Variants in SHANK2 observed in about 807,000 individuals in gnomAD.
SHANK2 encodes the protein SH3 and multiple ankyrin repeat domains 2.
Under a neutral mutation model 133.7 loss-of-function variants are expected in SHANK2, and 43 were observed. The ratio of observed to expected loss-of-function variants is 0.32; its 90% confidence interval spans 0.25 to 0.41. The LOEUF (loss-of-function observed/expected upper bound fraction) is 0.41. SHANK2 is among the 10% of genes least tolerant of loss of function. The pLI, the probability that SHANK2 is intolerant of heterozygous loss-of-function variation, is 1.00. For synonymous variants in SHANK2, 1,017 were observed against 952.8 expected, an observed-to-expected ratio of 1.07 and a Z score of -1.24; for missense variants, 1,994 against 2,235.8, an observed-to-expected ratio of 0.89 and a Z score of 2.18.
chr11:70,735,111 C>G lies in SHANK2; in HGVS notation c.1778-36348G>C, dbSNP rs140851808. On this transcript the variant is annotated intron_variant, in intron 14 of 25. Transcript: ENST00000601538. ...AGGTGGGCGAGGCCGTGGCCTCCCCCCAGGTGGGCAGGTTTTCGGGACTCT... is the reference window on the plus strand; with the variant it reads ...AGGTGGGCGAGGCCGTGGCCTCCCCGCAGGTGGGCAGGTTTTCGGGACTCT... Among the ~76,000 whole-genome samples the G allele has an allele frequency of 6.2e-3, 950 of 152,298 alleles. 3 individuals are homozygous for G. Among genetic ancestry groups the G allele is most frequent in the Non-Finnish European group, 9.3e-3 (635 of 68,004 alleles).
chr11:70,550,569 G>A (rs1565122094), intron 17 of SHANK2, among the ~76,000 whole-genome samples: 1 of 152,210 alleles, frequency 6.6e-6, no homozygotes, highest in Non-Finnish European at 1.5e-5. Flanking sequence ...CGAGGCCTCC[G>A]TTCAGGAGGA....
At chr11:70,547,177 T>C (rs1219004337) in intron 17 of SHANK2, among the ~76,000 whole-genome samples, 3 of 152,220 alleles carry the variant, frequency 2.0e-5, no homozygotes, top group African/African-American at 7.2e-5. Flanking sequence ...TATTAGGAAC[T>C]GAGTCCTATC....
At chr11:71,083,922 A>G (rs1317181010) in intron 8 of SHANK2, among the ~76,000 whole-genome samples, 1 of 151,608 alleles carries the variant, frequency 6.6e-6, no homozygotes, top group Non-Finnish European at 1.5e-5. Context: ...TGCATGGGTA[A>G]TTTTTTGGTA....
intron 17 of SHANK2, among the ~76,000 whole-genome samples, chr11:70,552,199 C>T (rs145353401): frequency 4.6e-5 from 7 of 152,270 alleles, no homozygotes; most frequent in South Asian, 4.1e-4. Context: ...AAGGGGCAAC[C>T]GGCATTTCCC....
At chr11:71,120,101 T>A (rs1952055784) in intron 3 of SHANK2, among the ~76,000 whole-genome samples, 1 of 152,092 alleles carries the variant, frequency 6.6e-6, no homozygotes, top group African/African-American at 2.4e-5. Flanking sequence ...TTAAATAGTG[T>A]CAACAGGGCC....
intron 11 of SHANK2, among the ~76,000 whole-genome samples, chr11:70,825,974 T>C (rs1006598730): frequency 1.3e-5 from 2 of 152,202 alleles, no homozygotes; most frequent in African/African-American, 4.8e-5. Context: ...GAGTGTGCAC[T>C]TTTAAAGTTG....
chr11:70,815,657 A>G (rs968512180), intron 12 of SHANK2, among the ~76,000 whole-genome samples: 1 of 151,972 alleles, frequency 6.6e-6, no homozygotes, highest in Non-Finnish European at 1.5e-5. Context: ...CAGGAAGCAG[A>G]CCCTGCCTAC....
chr11:70,534,298 C>A (rs566014324), intron 17 of SHANK2, among the ~76,000 whole-genome samples: 16 of 152,268 alleles, frequency 1.1e-4, no homozygotes, highest in African/African-American at 3.9e-4. Context: ...GGGGGAAAAG[C>A]CCCTTATAAA....
At position 70,487,419 on chromosome 11, in the gene SHANK2, G is replaced by C. The variant is rs1358584558; in HGVS notation, c.2874C>G (p.Arg958=). The change falls in exon 25 of 26, where the codon CGC becomes CGG. Residue 958 remains arginine, a synonymous_variant. Coordinates refer to ENST00000601538, the MANE Select transcript of SHANK2 (RefSeq NM_012309.5). The surrounding 1 kb of genome is among the most constrained non-coding windows in gnomAD (Gnocchi z 5.8). ...KGMYFRRELD[R]YSLDSEDLYS... Reference sequence around the variant, plus strand: ...AGAGGTCTTCAGAGTCCAAGGAGTAGCGGTCCAGCTCTCTCCTGAAGTACA... The same window carrying C: ...AGAGGTCTTCAGAGTCCAAGGAGTACCGGTCCAGCTCTCTCCTGAAGTACA... 1 of 1,614,158 alleles carries C rather than the reference G, an allele frequency of 6.2e-7. No individual in the cohort carries two copies. Among genetic ancestry groups the C allele is most frequent in the African/African-American group, 1.3e-5 (1 of 75,042 alleles).
chr11:70,478,368 G>A (rs886262850), intron 25 of SHANK2, among the ~76,000 whole-genome samples: 36 of 152,268 alleles, frequency 2.4e-4, no homozygotes, highest in African/African-American at 7.7e-4. Flanking sequence ...CCCATGAGCC[G>A]CCTGTCAAGG....
intron 2 of SHANK2, among the ~76,000 whole-genome samples, chr11:71,170,200 A>T (rs1555111893): frequency 6.6e-6 from 1 of 152,216 alleles, no homozygotes; most frequent in African/African-American, 2.4e-5. Context: ...CCATTTTCAT[A>T]GACATCCAAA....
intron 11 of SHANK2, among the ~76,000 whole-genome samples, chr11:70,891,983 G>A (rs942760336): frequency 3.3e-5 from 5 of 152,166 alleles, no homozygotes; most frequent in African/African-American, 1.2e-4. Context: ...CCCGGCTGAG[G>A]ACAGGGGTGG....
At chr11:71,089,033 T>C (rs1258127622) in intron 8 of SHANK2, among the ~76,000 whole-genome samples, 1 of 152,180 alleles carries the variant, frequency 6.6e-6, no homozygotes, top group East Asian at 1.9e-4. Context: ...GGGCCGCCCC[T>C]CGTCCTGAAC....
intron 8 of SHANK2, among the ~76,000 whole-genome samples, chr11:71,085,780 A>G (rs1188928367): frequency 6.7e-5 from 5 of 75,004 alleles, no homozygotes; most frequent in Non-Finnish European, 9.0e-5. Context: ...TTATATTTAT[A>G]TTATATAATA....
At chr11:70,942,190 A>G (rs917393586) in intron 10 of SHANK2, among the ~76,000 whole-genome samples, 1 of 152,168 alleles carries the variant, frequency 6.6e-6, no homozygotes, top group Non-Finnish European at 1.5e-5. Context: ...CTGTCTCGAA[A>G]AAAAAGGAAA....
intron 9 of SHANK2, among the ~76,000 whole-genome samples, chr11:71,059,871 A>G (rs1318182329): frequency 1.3e-5 from 2 of 151,980 alleles, no homozygotes; most frequent in Non-Finnish European, 2.9e-5. Flanking sequence ...TTGGGGGTGC[A>G]CTCTGCCTCA....
At position 70,832,576 on chromosome 11, in the gene SHANK2, G is replaced by C. The variant is rs182530698; in HGVS notation, c.1175-11894C>G. Among the ~76,000 whole-genome samples the C allele has an allele frequency of 5.9e-5, 9 of 152,330 alleles. No individual in the cohort carries two copies. The East Asian group carries it at 1.7e-3, about 29-fold the overall frequency. The stretch of plus-strand genomic sequence containing the variant: ...CTGGAGATGAATGAATGAATGAATG[G>C]AGTGAATTAACAGAGGGGGTGAGTC... On this transcript the variant is annotated intron_variant, in intron 11 of 25. Transcript: ENST00000601538.
chr11:70,946,243 G>T (rs112101523), intron 10 of SHANK2, among the ~76,000 whole-genome samples: 2 of 92,094 alleles, frequency 2.2e-5, no homozygotes, highest in Non-Finnish European at 4.4e-5. Context: ...CTCCCTCTCC[G>T]CTAACCAACC....
chr11:70,660,143 G>T (rs1262657249), intron 16 of SHANK2, among the ~76,000 whole-genome samples, 191 bp from the exon 17 acceptor site: 1 of 152,226 alleles, frequency 6.6e-6, no homozygotes, highest in African/African-American at 2.4e-5. Flanking sequence ...CTCAAGCAAT[G>T]AAGTCAATTG....
Sources: gnomAD v4.1 joint callset for allele counts (sites outside exome capture counted in the v4.1 genomes callset) on GRCh38, gnomAD v4.1.1 for gene constraint, Gnocchi (gnomAD v3.1) non-coding constraint, MANE v1.5 for transcripts, NCBI Gene and HGNC (gene_info 2026-07-23, HGNC 2026-07-21) for gene names.